The following TDRD12 variants were observed in gnomAD, a reference collection of about 807,000 sequenced individuals.
The protein encoded by TDRD12 is putative ATP-dependent RNA helicase TDRD12.
A neutral mutation model predicts 133.5 loss-of-function variants in TDRD12; 158 were observed. The ratio of observed to expected loss-of-function variants is 1.18; its 90% CI spans 1.04 to 1.35. The LOEUF (loss-of-function observed/expected upper bound fraction) is 1.35. Ranked by LOEUF, TDRD12 falls within the 40% of genes most tolerant of loss-of-function variation. The probability of loss-of-function intolerance (pLI) is 0.00; values close to 1 mark genes in which losing one functional copy is unlikely to be tolerated. For synonymous variants in TDRD12, 460 were observed against 477.9 expected (o/e 0.96, Z 0.49); for missense variants, 1,443 against 1,321.3 (o/e 1.09, Z -1.43).
intron 11 of TDRD12, among the ~76,000 whole-genome samples, chr19:32,780,538 A>G (rs1970733421): frequency 6.6e-6 from 1 of 152,164 alleles, no homozygotes; most frequent in African/African-American, 2.4e-5. Context: ...CAAAGAACAC[A>G]GTGAGTGGTG....
chr19:32,761,904 T>G (rs1453827544), intron 8 of TDRD12, among the ~76,000 whole-genome samples: 4 of 152,014 alleles, frequency 2.6e-5, no homozygotes, highest in Non-Finnish European at 5.9e-5. Context: ...CAGGCTGGTC[T>G]TGAACTCATG....
intron 8 of TDRD12, among the ~76,000 whole-genome samples, chr19:32,766,409 C>G (rs1352589449): frequency 6.6e-6 from 1 of 152,218 alleles, no homozygotes; most frequent in African/African-American, 2.4e-5. Context: ...TTAAGACTTA[C>G]AGTCACCCTG....
chr19:32,798,590 G>A (rs1038232927), intron 16 of TDRD12, among the ~76,000 whole-genome samples, 155 bp downstream of exon 16: 4 of 152,234 alleles, frequency 2.6e-5, no homozygotes, highest in Non-Finnish European at 5.9e-5. Context: ...AGAAAGAATG[G>A]TTATGTGAAA....
At chr19:32,786,128 G>A (rs1970902053) in intron 11 of TDRD12, among the ~76,000 whole-genome samples, 1 of 152,156 alleles carries the variant, frequency 6.6e-6, no homozygotes, top group African/African-American at 2.4e-5. Flanking sequence ...AGGCCTGGTG[G>A]TGACAAAATC....
At chr19:32,806,029 G>T (rs1037197173) in intron 21 of TDRD12, among the ~76,000 whole-genome samples, 1 of 152,064 alleles carries the variant, frequency 6.6e-6, no homozygotes, top group Non-Finnish European at 1.5e-5. Context: ...ACCGCACCCG[G>T]CCTCCACGTA....
intron 21 of TDRD12, among the ~76,000 whole-genome samples, chr19:32,806,071 A>G (rs766433365): frequency 6.6e-6 from 1 of 151,850 alleles, no homozygotes; most frequent in Non-Finnish European, 1.5e-5. Flanking sequence ...GTGTCTTCAG[A>G]AACCTTGCAG....
chr19:32,731,844 A>G (rs1288581492), exon 2 of TDRD12: 4 of 1,549,674 alleles, frequency 2.6e-6, no homozygotes, highest in East Asian at 2.4e-5. Context: ...GCACGTGTCA[A>G]GATATAGAAA....
exon 18 of TDRD12, chr19:32,800,708 C>G: frequency 1.3e-6 from 2 of 1,535,466 alleles, no homozygotes; most frequent in Non-Finnish European, 1.7e-6. Flanking sequence ...GATTTTATTC[C>G]AAGTCAGGCA....
At chr19:32,794,220 C>T (rs1206467145) in intron 13 of TDRD12, among the ~76,000 whole-genome samples, 6 of 150,850 alleles carry the variant, frequency 4.0e-5, no homozygotes, top group African/African-American at 1.2e-4. Context: ...ATTCTCCTGC[C>T]GCAGCCTCCA....
chr19:32,827,262 G>GA (rs1288112793), exon 10 of TDRD12: 1 of 1,230,370 alleles, frequency 8.1e-7, no homozygotes, highest in Non-Finnish European at 1.0e-6. Context: ...AAGAGAAGGT[G>GA]AATGACGTCC....
chr19:32,826,405 C>T (rs1967590946), intron 8 of TDRD12, 40 bp from the exon 31 acceptor site: 2 of 1,186,598 alleles, frequency 1.7e-6, no homozygotes, highest in South Asian at 8.0e-5. Flanking sequence ...TAATTTTTAG[C>T]ATTTTAAAAG....
Position 32,821,252 on chromosome 19 carries a change from G to A in TDRD12, c.*69G>A, listed in dbSNP as rs144659972. ...AAATGTAGAGAAGATGACATAAACTGATATCACCTAACTGTTCTTATTTTT... is the reference window on the plus strand; with the variant it reads ...AAATGTAGAGAAGATGACATAAACTAATATCACCTAACTGTTCTTATTTTT... On this transcript the variant is annotated 3_prime_UTR_variant, in exon 28 of 28. Transcript: ENST00000444215. The A allele has an allele frequency of 7.0e-4, 650 of 922,126 alleles. 6 individuals are homozygous for A. The African/African-American group carries it at 0.01, about 14-fold the overall frequency. 57.1% of individuals were successfully genotyped at this position (922,126 alleles called of 1,614,324 possible). A position where few individuals can be genotyped will look rare whatever the true frequency, so the allele number is the denominator to read the frequency against.
chr19:32,728,761 T>A (rs963283052), intron 1 of TDRD12, among the ~76,000 whole-genome samples: 9 of 149,322 alleles, frequency 6.0e-5, no homozygotes, highest in Non-Finnish European at 1.0e-4. Context: ...TTCTTCTGCC[T>A]CAGCCCCCTG....
chr19:32,772,624 A>G, intron 8 of TDRD12, 129 bp from the exon 9 acceptor site: 1 of 567,202 alleles, frequency 1.8e-6, no homozygotes, highest in Non-Finnish European at 3.0e-6. Flanking sequence ...CTACAAATTC[A>G]TATTCCATAA....
chr19:32,820,980 C>A, intron 27 of TDRD12, 53 bp from the exon 28 acceptor site: 1 of 1,429,508 alleles, frequency 7.0e-7, no homozygotes, highest in Non-Finnish European at 9.4e-7. Flanking sequence ...TCCTCTTCCA[C>A]TTGGGCAGTT....
exon 18 of TDRD12, chr19:32,800,767 T>C (rs1429152814): frequency 6.5e-7 from 1 of 1,530,378 alleles, no homozygotes; most frequent in East Asian, 2.5e-5. Context: ...AGAAATAGTG[T>C]GTAAGGTGAG....
At chr19:32,755,536 G>A (rs761267857) in intron 6 of TDRD12, among the ~76,000 whole-genome samples, 30 of 152,166 alleles carry the variant, frequency 2.0e-4, no homozygotes, top group Non-Finnish European at 2.1e-4. Context: ...TGTTGATTTC[G>A]TTTTATTGAG....
chr19:32,726,769 A>G (rs1968876960), intron 1 of TDRD12, among the ~76,000 whole-genome samples: 1 of 152,110 alleles, frequency 6.6e-6, no homozygotes, highest in African/African-American at 2.4e-5. Context: ...TTTTTTAAAA[A>G]AAGAATTTCC....
intron 11 of TDRD12, among the ~76,000 whole-genome samples, chr19:32,780,858 A>G (rs1263214747): frequency 6.6e-6 from 1 of 150,642 alleles, no homozygotes; most frequent in African/African-American, 2.4e-5. Flanking sequence ...TCTGGCCTCA[A>G]GCAATCCTCC....
Sources: gnomAD v4.1 joint callset for allele counts (sites outside exome capture counted in the v4.1 genomes callset) on GRCh38, gnomAD v4.1.1 for gene constraint, MANE v1.5 for transcripts, NCBI Gene and HGNC (gene_info 2026-07-23, HGNC 2026-07-21) for gene names.